ADGRB1: variants seen among roughly 807,000 people sequenced by gnomAD.
ADGRB1 encodes brain-specific angiogenesis inhibitor 1.
In ADGRB1, 36 loss-of-function variants were observed where a neutral mutation model predicts 175.7. The ratio of observed to expected loss-of-function variants is 0.20; its 90% confidence interval spans 0.16 to 0.27. The LOEUF (loss-of-function observed/expected upper bound fraction) is 0.27, where lower values mean the gene tolerates loss of function less well. Among genes scored for constraint, ADGRB1 ranks in the 10% least tolerant of loss-of-function variants. The pLI is 1.00. For synonymous variants in ADGRB1, 1,054 were observed against 979.4 expected (o/e 1.08, Z -1.42); for missense variants, 1,731 against 2,255.3 (o/e 0.77, Z 4.71).
intron 17 of ADGRB1, among the ~76,000 whole-genome samples, chr8:142,497,712 C>T (rs1294853368): frequency 6.6e-6 from 1 of 152,238 alleles, no homozygotes; most frequent in Non-Finnish European, 1.5e-5. Context: ...TTGGGCCTGG[C>T]ACCAGCCCCT....
intron 13 of ADGRB1, among the ~76,000 whole-genome samples, chr8:142,487,886 G>C (rs919135269): frequency 6.6e-6 from 1 of 152,202 alleles, no homozygotes; most frequent in East Asian, 1.9e-4. Context: ...CCTGAGGCAG[G>C]GCAGCCCCCA....
chr8:142,465,765 G>A (rs1325990186), intron 2 of ADGRB1, among the ~76,000 whole-genome samples: 2 of 152,204 alleles, frequency 1.3e-5, no homozygotes, highest in African/African-American at 4.8e-5. Context: ...GGGAGGCTGC[G>A]AGGACGAGGG....
At position 142,511,157 on chromosome 8, in the gene ADGRB1, CCCG is replaced by C. The variant is rs1843079616; in HGVS notation, c.2817+86_2817+88del. 1 of 979,380 alleles carries C rather than the reference CCCG, an allele frequency of 1.0e-6. No individual in the cohort carries two copies. The highest frequency in any genetic ancestry group is 1.8e-5 in the African/African-American group (1 of 56,644). The allele number at this position is 979,380 out of a possible 1,614,324, so 60.7% of individuals were successfully genotyped here. ...CCGGCGGGCCTGCGGGTGGGGAGGG[CCCG>C]CACCCGTCCTGTCCCGGAGGGGTCG... On this transcript the variant is annotated intron_variant, in intron 18 of 30. Coordinates refer to ENST00000517894, the MANE Select transcript of ADGRB1 (RefSeq NM_001702.3). The surrounding 1 kb of genome is among the most constrained non-coding windows in gnomAD (Gnocchi z 4.5).
chr8:142,503,731 C>T (rs1323924693), intron 17 of ADGRB1, among the ~76,000 whole-genome samples: 1 of 152,184 alleles, frequency 6.6e-6, no homozygotes, highest in Admixed American at 6.5e-5. Context: ...TTCTGCCTGG[C>T]AGACAGCCTG....
At chr8:142,479,108 G>T in intron 7 of ADGRB1, 2 of 481,914 alleles carry the variant, frequency 4.2e-6, no homozygotes, top group South Asian at 6.0e-5. Context: ...CTGCATGTGG[G>T]GTGTTTGCTT....
intron 21 of ADGRB1, among the ~76,000 whole-genome samples, 183 bp from the exon 22 acceptor site, chr8:142,522,458 C>T (rs916848273): frequency 2.6e-5 from 4 of 152,244 alleles, no homozygotes; most frequent in South Asian, 2.1e-4. Flanking sequence ...GACCACCCTG[C>T]GCCCAGCTCC....
At chr8:142,500,908 G>C (rs1289217046) in intron 17 of ADGRB1, among the ~76,000 whole-genome samples, 1 of 152,186 alleles carries the variant, frequency 6.6e-6, no homozygotes, top group Non-Finnish European at 1.5e-5. Flanking sequence ...GGGGTGTCAG[G>C]TGTGACAGGC....
At chr8:142,477,988 G>T (rs1841078964) in intron 6 of ADGRB1, among the ~76,000 whole-genome samples, 199 bp from the exon 7 acceptor site, 1 of 150,454 alleles carries the variant, frequency 6.6e-6, no homozygotes, top group African/African-American at 2.5e-5. Flanking sequence ...GGCCCCCAGG[G>T]TTTACTCACC....
chr8:142,537,021 G>A lies in ADGRB1; in HGVS notation c.3605G>A (p.Arg1202Gln), dbSNP rs200667079. The change falls in exon 26 of 31, where the codon CGG becomes CAG. Residue 1202 changes from arginine to glutamine, a missense_variant. Arg to Gln is a conservative substitution (Grantham distance 43). Transcript: ENST00000517894. This position sits in a 1 kb window ranked among gnomAD's most constrained non-coding sequence, Gnocchi z 4.6. ...GCTGTGAAATGCCGTGTGGTTGACC[G>A]GCAGGAGGAGGGCAACGGGGACTCA... The part of the protein sequence containing the change: ...QDAVKCRVVD[R>Q]QEEGNGDSGG... 38 of 1,591,330 alleles carry A rather than the reference G, an allele frequency of 2.4e-5. No individual in the cohort carries two copies. Among genetic ancestry groups the A allele is most frequent in the African/African-American group, 2.7e-5 (2 of 73,836 alleles).
chr8:142,460,936 G>T (rs1350985579), intron 1 of ADGRB1, among the ~76,000 whole-genome samples: 1 of 152,208 alleles, frequency 6.6e-6, no homozygotes, highest in Non-Finnish European at 1.5e-5. Context: ...AGGGGCACTG[G>T]CTGCTTCTGA....
intron 20 of ADGRB1, among the ~76,000 whole-genome samples, chr8:142,521,162 C>G (rs1843822763): frequency 6.6e-6 from 1 of 152,182 alleles, no homozygotes; most frequent in Non-Finnish European, 1.5e-5. Context: ...CTCTGCTGGA[C>G]TTGCCCTTCA....
intron 27 of ADGRB1, 80 bp from the exon 28 acceptor site, chr8:142,541,861 G>A: frequency 1.4e-6 from 2 of 1,398,368 alleles, no homozygotes; most frequent in Non-Finnish European, 1.9e-6. Context: ...GGCAGACTGG[G>A]CCCCTCTCCT....
intron 1 of ADGRB1, among the ~76,000 whole-genome samples, chr8:142,451,146 G>A (rs899198642): frequency 4.6e-5 from 7 of 152,102 alleles, no homozygotes; most frequent in African/African-American, 1.7e-4. Flanking sequence ...AGCTCCTCCG[G>A]CCTCGGGAGG....
chr8:142,530,317 G>T (rs1320587259), intron 24 of ADGRB1, among the ~76,000 whole-genome samples: 2 of 152,144 alleles, frequency 1.3e-5, no homozygotes, highest in African/African-American at 4.8e-5. Flanking sequence ...AGGGTCAGGG[G>T]CTGATCTGCT....
chr8:142,522,513 C>T (rs1348859426), intron 21 of ADGRB1, 128 bp from the exon 22 acceptor site: 6 of 932,674 alleles, frequency 6.4e-6, no homozygotes, highest in African/African-American at 1.7e-5. Flanking sequence ...TCTTGCTCAG[C>T]CCCATCCTCT....
intron 19 of ADGRB1, 134 bp downstream of exon 19, chr8:142,518,375 T>A (rs1843572997): frequency 2.3e-6 from 2 of 874,652 alleles, no homozygotes; most frequent in Non-Finnish European, 3.5e-6. Flanking sequence ...ACCTCCGCAT[T>A]TGCCACGGAA....
At position 142,504,712 on chromosome 8, in the gene ADGRB1, G is replaced by A. The variant is rs1842772775; in HGVS notation, c.2676-6220G>A. 6.6e-6 allele frequency among the ~76,000 whole-genome samples: 1 copy of A among 152,102 alleles called. No individual in the cohort carries two copies. Among genetic ancestry groups the A allele is most frequent in the Admixed American group, 6.5e-5 (1 of 15,286 alleles). The stretch of plus-strand genomic sequence containing the variant: ...CAGGCACTCCTGATGGATGAAGCAT[G>A]ACTAAGGGGCTTGTACCTAGGGGTG... On this transcript the variant is annotated intron_variant, in intron 17 of 30. Coordinates refer to ENST00000517894, the MANE Select transcript of ADGRB1 (RefSeq NM_001702.3). This position sits in a 1 kb window ranked among gnomAD's most constrained non-coding sequence, Gnocchi z 5.6.
chr8:142,473,617 C>A (rs760696589), intron 2 of ADGRB1, among the ~76,000 whole-genome samples: 21 of 152,248 alleles, frequency 1.4e-4, no homozygotes, highest in Non-Finnish European at 2.6e-4. Context: ...TGGCATGGCA[C>A]GGGCTAAGCA....
intron 18 of ADGRB1, among the ~76,000 whole-genome samples, chr8:142,515,683 C>G (rs577585474): frequency 6.6e-5 from 10 of 151,802 alleles, no homozygotes; most frequent in Admixed American, 2.0e-4. Flanking sequence ...TGGACCTCAG[C>G]TCTGCGCTGG....
Sources: allele counts gnomAD v4.1 joint callset (sites outside exome capture counted in the v4.1 genomes callset), GRCh38; gene constraint gnomAD v4.1.1; non-coding constraint Gnocchi (gnomAD v3.1); transcripts MANE v1.5; gene names NCBI Gene and HGNC (gene_info 2026-07-23, HGNC 2026-07-21).